The following GAPVD1 variants were observed in gnomAD, a reference collection of about 807,000 sequenced individuals.
GAPVD1 encodes GTPase activating protein and VPS9 domains 1.
A neutral mutation model predicts 155.5 loss-of-function variants in GAPVD1; 35 were observed. That is an observed-to-expected ratio of 0.23 (90% CI 0.17 to 0.30). The LOEUF is 0.30. GAPVD1 is among the 10% of genes least tolerant of loss of function. The pLI is 1.00. For synonymous variants in GAPVD1, 636 were observed against 619.7 expected, an observed-to-expected ratio of 1.03 and a Z score of -0.39; for missense variants, 1,429 against 1,775.7, an observed-to-expected ratio of 0.80 and a Z score of 3.51.
intron 1 of GAPVD1, among the ~76,000 whole-genome samples, chr9:125,268,258 A>C (rs1291959256): frequency 6.9e-6 from 1 of 144,562 alleles, no homozygotes; most frequent in Non-Finnish European, 1.5e-5. Context: ...CACCGTCACA[A>C]TGTTGTCACT....
In GAPVD1 at chr9:125,341,191, A is replaced by G. The variant is rs1304342932; in HGVS notation, c.2892A>G (p.Lys964=). 2 of 1,597,670 alleles carry G rather than the reference A, an allele frequency of 1.3e-6. No individual in the cohort carries two copies. Among genetic ancestry groups the G allele is most frequent in the Non-Finnish European group, 8.6e-7 (1 of 1,164,804 alleles). ...TTTTTCTACAGACTGAAGAACGCAA[A>G]GATAGCGATGATGAGAAATCAGACA... The part of the protein sequence containing the change: ...DSSRGETEER[K]DSDDEKSDRN... The change falls in exon 18 of 28, where the codon AAA becomes AAG. Residue 964 remains lysine (K), a synonymous_variant. Transcript: ENST00000297933.
chr9:125,266,460 C>CTGTAAGGGAGTAAGTT (rs1833986268), intron 1 of GAPVD1, among the ~76,000 whole-genome samples: 1 of 151,878 alleles, frequency 6.6e-6, no homozygotes, highest in Admixed American at 6.6e-5. Context: ...ACTACAGGCG[C>CTGTAAGGGAGTAAGTT]CCGCCACCAT....
At position 125,346,790 on chromosome 9, in the gene GAPVD1, T is replaced by C. The variant is rs1185974467; in HGVS notation, c.3047-29T>C. On this transcript the variant is annotated intron_variant, in intron 19 of 27. Coordinates refer to ENST00000297933, the MANE Select transcript of GAPVD1 (RefSeq NM_001282680.3). Reference sequence around the variant, plus strand: ...CAGAGGTGGTACAAACCCAAGGGGCTAATTCTCTCACTCTCCTTTCCCTTG... The same window carrying C: ...CAGAGGTGGTACAAACCCAAGGGGCCAATTCTCTCACTCTCCTTTCCCTTG... The C allele has an allele frequency of 1.9e-6, 3 of 1,595,660 alleles. No individual in the cohort carries two copies. In the African/African-American group the frequency reaches 4.0e-5, roughly 21 times the overall value.
intron 6 of GAPVD1, among the ~76,000 whole-genome samples, chr9:125,306,139 C>G (rs946722334): frequency 6.6e-6 from 1 of 152,188 alleles, no homozygotes; most frequent in African/African-American, 2.4e-5. Context: ...TCCCTGCCCC[C>G]ACAAAACATT....
In GAPVD1 at chr9:125,360,653, G is replaced by A. The variant is rs1850773402; in HGVS notation, c.4170G>A (p.Leu1390=). The change falls in exon 27 of 28, where the codon CTG becomes CTA. Residue 1390 remains leucine (L), a synonymous_variant. Coordinates refer to ENST00000297933, the MANE Select transcript of GAPVD1 (RefSeq NM_001282680.3). ...TGTGCTCTACGATTATGAACCTCCTGAGCCTGGCCAATGAGGACTCTGTCC... is the reference window on the plus strand; with the variant it reads ...TGTGCTCTACGATTATGAACCTCCTAAGCCTGGCCAATGAGGACTCTGTCC... ...LRMCSTIMNL[L]SLANEDSVPG... The A allele has an allele frequency of 1.9e-6, 3 of 1,614,028 alleles. No homozygotes were observed.
Position 125,301,984 on chromosome 9 carries a change from G to A in GAPVD1, c.187G>A (p.Ala63Thr). The change falls in exon 5 of 28, where the codon GCT becomes ACT. Residue 63 changes from alanine to threonine, a missense_variant and splice_region_variant. This residue lies in a region of GAPVD1 where 628 missense variants were observed against 733.4 expected (regional missense o/e 0.86). Coordinates refer to ENST00000297933, the MANE Select transcript of GAPVD1 (RefSeq NM_001282680.3). ...TGCTCTTTTTTTTTTTTTTTTTAGT[G>A]CTGAAGCTTCCCCTGCTGAATGTTG... ...INLDRLIITS[A>T]EASPAECCQH... 6.8e-7 allele frequency: 1 copy of A among 1,466,806 alleles called. No individual in the cohort carries two copies. The allele number at this position is 1,466,806 out of a possible 1,614,324, so 90.9% of individuals were successfully genotyped here.
chr9:125,313,520 G>T (rs1842959597), intron 9 of GAPVD1, among the ~76,000 whole-genome samples: 2 of 151,950 alleles, frequency 1.3e-5, no homozygotes, highest in Admixed American at 6.6e-5. Flanking sequence ...AGCCAGGATG[G>T]TCTCGATCTC....
At chr9:125,344,488 T>G (rs1209230746) in intron 19 of GAPVD1, among the ~76,000 whole-genome samples, 1 of 152,184 alleles carries the variant, frequency 6.6e-6, no homozygotes, top group Non-Finnish European at 1.5e-5. Context: ...ATATTACAGA[T>G]TTATATAAAT....
intron 20 of GAPVD1, among the ~76,000 whole-genome samples, chr9:125,347,445 G>A (rs1021798460): frequency 6.6e-6 from 1 of 152,150 alleles, no homozygotes; most frequent in Admixed American, 6.6e-5. Context: ...ATAAATAGGG[G>A]CTGAGCACGG....
At chr9:125,330,319 T>TC in intron 13 of GAPVD1, 101 bp downstream of exon 13, 1 of 450,072 alleles carries the variant, frequency 2.2e-6, no homozygotes, top group East Asian at 5.4e-5. Flanking sequence ...CAAATACACT[T>TC]TTTTTTTTTT....
chr9:125,351,022 A>C lies in GAPVD1; in HGVS notation c.3569+150A>C, dbSNP rs573540537. 7.7e-6 allele frequency: 5 copies of C among 650,352 alleles called. No individual in the cohort carries two copies. The African/African-American group carries it at 9.1e-5, about 12-fold the overall frequency. The allele number at this position is 650,352 out of a possible 1,614,324, so 40.3% of individuals were successfully genotyped here. On this transcript the variant is annotated intron_variant, in intron 23 of 27. Coordinates refer to ENST00000297933, the MANE Select transcript of GAPVD1 (RefSeq NM_001282680.3). ...TAGATTTCTGTGTTAGTCTGTTCTC[A>C]CGCTGCTGATAAAGATATACCCGAG...
intron 11 of GAPVD1, 79 bp downstream of exon 11, chr9:125,324,002 G>C: frequency 7.7e-7 from 1 of 1,295,580 alleles, no homozygotes; most frequent in Non-Finnish European, 1.1e-6. Flanking sequence ...TTTTCATTAA[G>C]TTGGCTTGGT....
In GAPVD1 at chr9:125,337,565, C is replaced by T; in HGVS notation, c.2851C>T (p.Pro951Ser). Residue 951 changes from proline (P) to serine (S), a missense_variant, in exon 17 of 28, where the codon CCG (proline) becomes TCG (serine). This residue lies in a region of GAPVD1 where 699 missense variants were observed against 826.0 expected (regional missense o/e 0.85). Transcript: ENST00000297933. ...VAAPHSSSSS[P>S]SKDSSRGETE... Reference sequence around the variant, plus strand: ...TGCACCTCATTCATCATCTTCATCCCCGAGTAAGGACTCCTCAAGAGGAGA... The same window carrying T: ...TGCACCTCATTCATCATCTTCATCCTCGAGTAAGGACTCCTCAAGAGGAGA... 6.2e-7 allele frequency: 1 copy of T among 1,613,948 alleles called. No individual in the cohort carries two copies. The highest frequency in any genetic ancestry group is 8.5e-7 in the Non-Finnish European group (1 of 1,179,946).
chr9:125,311,351 G>A (rs574945037), intron 8 of GAPVD1, among the ~76,000 whole-genome samples: 2 of 152,318 alleles, frequency 1.3e-5, no homozygotes, highest in East Asian at 1.9e-4. Context: ...GCTGGGCACG[G>A]TGGCTCATGC....
At chr9:125,292,511 G>C (rs1452535568) in intron 2 of GAPVD1, among the ~76,000 whole-genome samples, 1 of 151,888 alleles carries the variant, frequency 6.6e-6, no homozygotes, top group African/African-American at 2.4e-5. Context: ...TCTTGCCTCA[G>C]CCTCCTGAGT....
At chr9:125,338,132 C>G (rs1430939166) in intron 17 of GAPVD1, among the ~76,000 whole-genome samples, 1 of 152,202 alleles carries the variant, frequency 6.6e-6, no homozygotes, top group African/African-American at 2.4e-5. Context: ...CCTTGGCCTC[C>G]CAGAGTTGCT....
chr9:125,261,980 A>C (rs1832979008), intron 1 of GAPVD1, 21 bp downstream of exon 1: 2 of 152,564 alleles, frequency 1.3e-5, no homozygotes, highest in Admixed American at 1.3e-4. Context: ...GTCCCGATTT[A>C]GTCCGCGGGC....
At chr9:125,285,453 GTTTTTTT>G (rs10659223) in intron 2 of GAPVD1, among the ~76,000 whole-genome samples, 2 of 94,686 alleles carry the variant, frequency 2.1e-5, no homozygotes, top group African/African-American at 4.2e-5. Flanking sequence ...TTTTTTCTTT[GTTTTTTT>G]TTTTTTTTTT....
rs766625146 is a variant in GAPVD1 at position 125,359,504 on chromosome 9, TTA to T, written c.4044+17_4044+18del. ...TTCAGATACCAGAGGTAATACAGGTTTATATAGCATGGGTAATGTTAACTAAA... is the reference window on the plus strand; with the variant it reads ...TTCAGATACCAGAGGTAATACAGGTTTATAGCATGGGTAATGTTAACTAAA... On this transcript the variant is annotated intron_variant, in intron 26 of 27. Coordinates refer to ENST00000297933, the MANE Select transcript of GAPVD1 (RefSeq NM_001282680.3). 5.4e-5 allele frequency: 70 copies of T among 1,297,262 alleles called. No individual in the cohort carries two copies. Among genetic ancestry groups the T allele is most frequent in the Non-Finnish European group, 9.0e-6 (8 of 891,262 alleles). 80.4% of individuals were successfully genotyped at this position (1,297,262 alleles called of 1,614,324 possible).
Sources: allele counts gnomAD v4.1 joint callset (sites outside exome capture counted in the v4.1 genomes callset), GRCh38; gene constraint gnomAD v4.1.1; regional missense constraint gnomAD v4.1.1; transcripts MANE v1.5; gene names NCBI Gene and HGNC (gene_info 2026-07-23, HGNC 2026-07-21).